Variants in PCNX4 observed in about 807,000 individuals in gnomAD.
PCNX4 encodes pecanex 4.
In PCNX4, 103 loss-of-function variants were observed where a neutral mutation model predicts 107.2. The ratio of observed to expected loss-of-function variants is 0.96; its 90% CI spans 0.82 to 1.13. The LOEUF is 1.13. PCNX4 is among the 50% of genes most tolerant of loss of function. The pLI is 0.00. For synonymous variants in PCNX4, 541 were observed against 481.7 expected (o/e 1.12, Z -1.61); for missense variants, 1,528 against 1,379.4 (o/e 1.11, Z -1.71).
chr14:60,102,497 C>T (rs1022438753), intron 1 of PCNX4, among the ~76,000 whole-genome samples: 5 of 152,160 alleles, frequency 3.3e-5, no homozygotes, highest in African/African-American at 7.2e-5. Context: ...CCTCTCAGTA[C>T]GTTGCCAGAT....
rs1278351708 is a variant in PCNX4, at chr14:60,145,793, T to C, written c.*11572T>C. The stretch of plus-strand genomic sequence containing the variant: ...TGTTTCTTTTCAGAAGATATGCATT[T>C]ACCACTTTCAAAACTTTGCACTAAG... On this transcript the variant is annotated 3_prime_UTR_variant, in exon 11 of 11. Coordinates refer to ENST00000406854, the MANE Select transcript of PCNX4 (RefSeq NM_001330177.2). The surrounding 1 kb of genome is among the most constrained non-coding windows in gnomAD (Gnocchi z 4.0). The C allele has an allele frequency of 6.6e-6, 1 of 152,138 alleles. No homozygotes were observed. The highest frequency in any genetic ancestry group is 1.5e-5 in the Non-Finnish European group (1 of 68,024). The allele number at this position is 152,138 out of a possible 1,614,324, so 9.4% of individuals were successfully genotyped here. A position where few individuals can be genotyped will look rare whatever the true frequency, so the allele number is the denominator to read the frequency against.
chr14:60,117,367 A>G (rs75827170), intron 6 of PCNX4, among the ~76,000 whole-genome samples: 2,809 of 152,258 alleles, frequency 0.018, 43 homozygotes, highest in Non-Finnish European at 0.03. Flanking sequence ...ACAGATGCCT[A>G]TGGTATTGAG....
Position 60,146,052 on chromosome 14 carries a change from G to A in PCNX4, c.*11831G>A, listed in dbSNP as rs1384613016. 2.0e-5 allele frequency: 3 copies of A among 150,426 alleles called. No homozygotes were observed. The highest frequency in any genetic ancestry group is 2.0e-4 in the Admixed American group (3 of 15,090). The allele number at this position is 150,426 out of a possible 1,614,324, so 9.3% of individuals were successfully genotyped here. On this transcript the variant is annotated 3_prime_UTR_variant, in exon 11 of 11. Coordinates refer to ENST00000406854, the MANE Select transcript of PCNX4 (RefSeq NM_001330177.2). This position sits in a 1 kb window ranked among gnomAD's most constrained non-coding sequence, Gnocchi z 4.9. ...ATATATATAAAATATAAAATAGTGG[G>A]AGAGAGGAAGAGTACAGACTATAAA...
intron 1 of PCNX4, among the ~76,000 whole-genome samples, chr14:60,102,775 C>A (rs1188297324): frequency 6.6e-6 from 1 of 151,868 alleles, no homozygotes. Flanking sequence ...AATTAATAGT[C>A]TTTCAGAACT....
chr14:60,119,070 T>A (rs1895906302), intron 7 of PCNX4, among the ~76,000 whole-genome samples: 1 of 152,200 alleles, frequency 6.6e-6, no homozygotes, highest in African/African-American at 2.4e-5. Context: ...TTCATAAAGT[T>A]TAGTGAAAAC....
chr14:60,131,886 C>A (rs1230836537), intron 10 of PCNX4, among the ~76,000 whole-genome samples: 4 of 152,134 alleles, frequency 2.6e-5, no homozygotes, highest in African/African-American at 7.2e-5. Flanking sequence ...AGAAATAAAC[C>A]CATGGGTCTT....
intron 1 of PCNX4, among the ~76,000 whole-genome samples, chr14:60,095,743 C>G (rs1039273296): frequency 6.6e-6 from 1 of 151,140 alleles, no homozygotes; most frequent in African/African-American, 2.4e-5. Context: ...GTTCAGGTCC[C>G]CAGTCTCTAG....
At chr14:60,100,057 T>C (rs1458420121) in intron 1 of PCNX4, among the ~76,000 whole-genome samples, 3 of 152,026 alleles carry the variant, frequency 2.0e-5, no homozygotes, top group Non-Finnish European at 4.4e-5. Flanking sequence ...AGACTGAGAC[T>C]CTGTCTCAAA....
At position 60,114,879 on chromosome 14, in the gene PCNX4, G is replaced by A. The variant is rs761724247; in HGVS notation, c.869G>A (p.Arg290Gln). 3.0e-5 allele frequency: 48 copies of A among 1,592,520 alleles called. No homozygotes were observed. The highest frequency in any genetic ancestry group is 3.7e-5 in the Admixed American group (2 of 54,288). Residue 290 changes from arginine to glutamine, a missense_variant and splice_region_variant, in exon 3 of 11, where the codon CGG (arginine) becomes CAG (glutamine). Transcript: ENST00000406854. ...GGCTCATCTATGTCAACCCACTTAC[G>A]GTATTTATTTTTAAATATTGATGTT... ...LGGSSMSTHLRLLVMFIMSAG... is the reference protein window; with the variant it reads ...LGGSSMSTHLQLLVMFIMSAG...
At position 60,142,985 on chromosome 14, in the gene PCNX4, G is replaced by GAA. The variant is rs1555332063; in HGVS notation, c.*8770_*8771dup. 4 of 151,574 alleles carry GAA rather than the reference G, an allele frequency of 2.6e-5. No homozygotes were observed. The East Asian group carries it at 7.7e-4, about 29-fold the overall frequency. 9.4% of individuals were successfully genotyped at this position (151,574 alleles called of 1,614,324 possible). A position where few individuals can be genotyped will look rare whatever the true frequency, so the allele number is the denominator to read the frequency against. Reference sequence around the variant, plus strand: ...TCTCCAAAAGAAAGAAAGAAAGAAAGAAAAAAATGCCATACAGATGAATCT... The same window carrying GAA: ...TCTCCAAAAGAAAGAAAGAAAGAAAGAAAAAAAAATGCCATACAGATGAATCT... On this transcript the variant is annotated 3_prime_UTR_variant, in exon 11 of 11. Transcript: ENST00000406854. The surrounding 1 kb of genome is among the most constrained non-coding windows in gnomAD (Gnocchi z 4.7).
rs372868346 is a variant in PCNX4, at chr14:60,129,119, A to C, written c.3267+3296A>C. On this transcript the variant is annotated intron_variant, in intron 10 of 10. Coordinates refer to ENST00000406854, the MANE Select transcript of PCNX4 (RefSeq NM_001330177.2). ...TAATCCCAGCTACTCGGGCGCCTGT[A>C]ATCCCAGCTACTTGGGAGGTTGAGG... 3.9e-5 allele frequency among the ~76,000 whole-genome samples: 6 copies of C among 152,158 alleles called. No homozygotes were observed. In the East Asian group the frequency reaches 7.7e-4, roughly 20 times the overall value.
At position 60,141,509 on chromosome 14, in the gene PCNX4, CAT is replaced by C. The variant is rs1437063330; in HGVS notation, c.*7289_*7290del. 2.0e-5 allele frequency: 3 copies of C among 152,152 alleles called. No individual in the cohort carries two copies. Among genetic ancestry groups the C allele is most frequent in the Non-Finnish European group, 4.4e-5 (3 of 68,022 alleles). The allele number at this position is 152,152 out of a possible 1,614,324, so 9.4% of individuals were successfully genotyped here. A position where few individuals can be genotyped will look rare whatever the true frequency, so the allele number is the denominator to read the frequency against. On this transcript the variant is annotated 3_prime_UTR_variant, in exon 11 of 11. Coordinates refer to ENST00000406854, the MANE Select transcript of PCNX4 (RefSeq NM_001330177.2). The stretch of plus-strand genomic sequence containing the variant: ...AATACTGTAACTTTCGGCTTATACA[CAT>C]GACAACTTAGAAGAAATAATCTGAT...
chr14:60,124,393 A>G lies in PCNX4; in HGVS notation c.2222A>G (p.Asn741Ser). ...GTGAAATTGTATTCTGATGCCAGGA[A>G]TGTTCTATCAGGCATAATTGATTCT... is the stretch of plus-strand genomic sequence containing the variant. The part of the protein sequence containing the change: ...LPVKLYSDAR[N>S]VLSGIIDSHE... The change falls in exon 9 of 11, where the codon AAT becomes AGT. Residue 741 changes from asparagine to serine, a missense_variant. Physicochemically the swap from Asn to Ser is conservative, Grantham distance 46 (BLOSUM62 1). Coordinates refer to ENST00000406854, the MANE Select transcript of PCNX4 (RefSeq NM_001330177.2). 6.2e-7 allele frequency: 1 copy of G among 1,613,552 alleles called. No individual in the cohort carries two copies. The highest frequency in any genetic ancestry group is 2.2e-5 in the East Asian group (1 of 44,856).
At chr14:60,096,746 A>G (rs185899344) in intron 1 of PCNX4, among the ~76,000 whole-genome samples, 1 of 152,318 alleles carries the variant, frequency 6.6e-6, no homozygotes, top group Admixed American at 6.5e-5. Flanking sequence ...TACTGTTTGG[A>G]CATAGGTCCT....
At chr14:60,093,130 C>T (rs1342894734) in intron 1 of PCNX4, among the ~76,000 whole-genome samples, 2 of 152,156 alleles carry the variant, frequency 1.3e-5, no homozygotes, top group East Asian at 3.8e-4. Context: ...CTGTTGGCTG[C>T]TCCTAAATTT....
chr14:60,124,452 A>G lies in PCNX4; in HGVS notation c.2281A>G (p.Ile761Val). ...ENLKEFKGDL[I>V]KVLVWILVQY... ...CTTAAAAGAATTTAAAGGTGACCTC[A>G]TTAAAGTACTTGTGTGGATACTTGT... The change falls in exon 9 of 11, where the codon ATT becomes GTT. Residue 761 changes from isoleucine to valine, a missense_variant. Transcript: ENST00000406854. The G allele has an allele frequency of 1.2e-6, 2 of 1,613,748 alleles. No homozygotes were observed. Among genetic ancestry groups the G allele is most frequent in the Non-Finnish European group, 1.7e-6 (2 of 1,179,726 alleles).
In PCNX4 at chr14:60,114,793, GC is replaced by G. The variant is rs1566512191; in HGVS notation, c.788del (p.Pro263HisfsTer14). 1.9e-6 allele frequency: 3 copies of G among 1,613,614 alleles called. No individual in the cohort carries two copies. Among genetic ancestry groups the G allele is most frequent in the East Asian group, 2.2e-5 (1 of 44,886 alleles). ...CCTTTCTGTGGGCACTTGGGACTCT[GC>G]CCCCACCCGATGCACTTCTCTTATG... ...LPFLWALGTLPPPDALLLWAM... is the reference protein window; with the variant it reads ...LPFLWALGTLXPPDALLLWAM... On this transcript the variant is annotated frameshift_variant, in exon 3 of 11. Transcript: ENST00000406854. LOFTEE classifies it high-confidence loss of function.
Position 60,118,353 on chromosome 14 carries a change from A to AT in PCNX4, c.1605dup (p.Gln536SerfsTer5). On this transcript the variant is annotated frameshift_variant, in exon 7 of 11. Coordinates refer to ENST00000406854, the MANE Select transcript of PCNX4 (RefSeq NM_001330177.2). LOFTEE classifies it high-confidence loss of function. ...GGTTGGTATCATACGTGATCGTTTG[A>AT]TTCAGTTCATCTCTAAATTGCAGTT... The AT allele has an allele frequency of 6.2e-7, 1 of 1,612,094 alleles. No individual in the cohort carries two copies. Among genetic ancestry groups the AT allele is most frequent in the Non-Finnish European group, 8.5e-7 (1 of 1,178,744 alleles).
intron 10 of PCNX4, chr14:60,133,512 G>T: frequency 2.8e-6 from 1 of 363,242 alleles, no homozygotes; most frequent in Non-Finnish European, 5.3e-6. Context: ...CTTAACTGTG[G>T]TGATGGTTGC....
Sources: allele counts gnomAD v4.1 joint callset (sites outside exome capture counted in the v4.1 genomes callset), GRCh38; gene constraint gnomAD v4.1.1; non-coding constraint Gnocchi (gnomAD v3.1); transcripts MANE v1.5; gene names NCBI Gene and HGNC (gene_info 2026-07-23, HGNC 2026-07-21).